Variants in SLC25A48 observed in about 807,000 individuals in gnomAD.
SLC25A48 encodes the protein CTC-321K16.1.
In SLC25A48, 29 loss-of-function variants were observed where a neutral mutation model predicts 32.2. The ratio of observed to expected loss-of-function variants is 0.90; its 90% CI spans 0.67 to 1.23. SLC25A48 has a LOEUF of 1.23. Among genes scored for constraint, SLC25A48 ranks in the 50% most tolerant of loss-of-function variants. The pLI, the probability that SLC25A48 is intolerant of heterozygous loss-of-function variation, is 0.00. For missense variants in SLC25A48, 399 were observed against 422.7 expected (o/e 0.94, Z 0.49); for synonymous variants, 164 against 172.3 (o/e 0.95, Z 0.38).
intron 3 of SLC25A48, among the ~76,000 whole-genome samples, chr5:135,688,594 A>G (rs1754072408): frequency 6.6e-6 from 1 of 152,272 alleles, no homozygotes; most frequent in Non-Finnish European, 1.5e-5. Context: ...TGATTTGAGC[A>G]TTCACATTCC....
intron 3 of SLC25A48, among the ~76,000 whole-genome samples, chr5:135,698,877 A>G (rs2126964376): frequency 6.6e-6 from 1 of 152,364 alleles, no homozygotes; most frequent in South Asian, 2.1e-4. Flanking sequence ...GTTAATTTAT[A>G]AAATGAGAAC....
At chr5:135,624,764 T>C (rs1316737528) in intron 1 of SLC25A48, among the ~76,000 whole-genome samples, 2 of 152,238 alleles carry the variant, frequency 1.3e-5, no homozygotes, top group African/African-American at 4.8e-5. Flanking sequence ...AGACAGTGAT[T>C]GTTTTTGGCT....
chr5:135,774,431 G>A (rs1004481573), intron 3 of SLC25A48, among the ~76,000 whole-genome samples: 1 of 151,760 alleles, frequency 6.6e-6, no homozygotes, highest in African/African-American at 2.4e-5. Flanking sequence ...CGCAGAGGGT[G>A]TACAACCCGC....
chr5:135,646,733 AC>A (rs1752973468), intron 3 of SLC25A48, among the ~76,000 whole-genome samples: 2 of 148,112 alleles, frequency 1.4e-5, no homozygotes, highest in Non-Finnish European at 3.0e-5. Context: ...AAAGACAAAC[AC>A]TACATCATCT....
chr5:135,854,413 T>C (rs997761111), intron 4 of SLC25A48, among the ~76,000 whole-genome samples: 1 of 152,258 alleles, frequency 6.6e-6, no homozygotes, highest in African/African-American at 2.4e-5. Flanking sequence ...GTTCATCAAT[T>C]CTCTTAGCTA....
chr5:135,871,909 G>A, intron 5 of SLC25A48, 191 bp downstream of exon 5: 1 of 1,475,436 alleles, frequency 6.8e-7, no homozygotes, highest in South Asian at 1.5e-5. Context: ...TCCCTATGCA[G>A]CTATGAGAAT....
At chr5:135,589,543 T>C (rs1482982959) in intron 1 of SLC25A48, among the ~76,000 whole-genome samples, 5 of 152,220 alleles carry the variant, frequency 3.3e-5, no homozygotes, top group African/African-American at 1.2e-4. Flanking sequence ...ATTGGTAACA[T>C]TTACGGGCCT....
chr5:135,697,176 G>A (rs1300403630), intron 3 of SLC25A48, among the ~76,000 whole-genome samples: 10 of 152,186 alleles, frequency 6.6e-5, no homozygotes. Context: ...ATGCTGGAAT[G>A]TGTCTCTTTT....
intron 3 of SLC25A48, among the ~76,000 whole-genome samples, chr5:135,662,452 C>T (rs142359645): frequency 1.9e-3 from 283 of 152,294 alleles, no homozygotes; most frequent in African/African-American, 6.6e-3. Flanking sequence ...GTTCTGGTAA[C>T]TGTTAGTCGT....
intron 3 of SLC25A48, among the ~76,000 whole-genome samples, chr5:135,790,835 G>A (rs1757007746): frequency 6.6e-6 from 1 of 151,830 alleles, no homozygotes; most frequent in Non-Finnish European, 1.5e-5. Flanking sequence ...ATGTCACAGT[G>A]GGTGTAGACT....
At chr5:135,762,161 C>T (rs62365688) in intron 3 of SLC25A48, among the ~76,000 whole-genome samples, 61,433 of 152,130 alleles carry the variant, frequency 0.4, 14,333 homozygotes, top group Non-Finnish European at 0.52. Flanking sequence ...TTAGCCAACT[C>T]TTAATTGAAA....
intron 7 of SLC25A48, among the ~76,000 whole-genome samples, chr5:135,887,308 A>G (rs543138111): frequency 2.5e-4 from 38 of 152,256 alleles, no homozygotes; most frequent in Non-Finnish European, 4.9e-4. Flanking sequence ...TATCACTTGC[A>G]TTATAGCCTT....
chr5:135,625,114 T>C (rs993833140), intron 1 of SLC25A48, among the ~76,000 whole-genome samples: 3 of 152,016 alleles, frequency 2.0e-5, no homozygotes, highest in African/African-American at 7.3e-5. Flanking sequence ...AAGGAGCGGT[T>C]TCCCTGATTT....
chr5:135,580,963 T>A (rs1192864010), intron 1 of SLC25A48, among the ~76,000 whole-genome samples: 1 of 152,208 alleles, frequency 6.6e-6, no homozygotes, highest in Non-Finnish European at 1.5e-5. Flanking sequence ...GGTAGTATAA[T>A]GGCTAAGAGG....
chr5:135,636,291 G>A (rs1368197036), intron 3 of SLC25A48, among the ~76,000 whole-genome samples: 1 of 152,138 alleles, frequency 6.6e-6, no homozygotes, highest in African/African-American at 2.4e-5. Flanking sequence ...GCTCTTGGTG[G>A]CTCACTGTTT....
chr5:135,738,069 T>G (rs1755417182), intron 3 of SLC25A48, among the ~76,000 whole-genome samples: 1 of 152,208 alleles, frequency 6.6e-6, no homozygotes, highest in African/African-American at 2.4e-5. Flanking sequence ...ATAGAGACTT[T>G]CCTCGATACT....
chr5:135,827,419 A>C (rs1462574445), intron 4 of SLC25A48: 1 of 152,214 alleles, frequency 6.6e-6, no homozygotes, highest in Non-Finnish European at 1.5e-5. Flanking sequence ...ACATCAAAGA[A>C]ATTCTTTTTA....
intron 1 of SLC25A48, among the ~76,000 whole-genome samples, chr5:135,622,527 A>G (rs1205632847): frequency 6.6e-6 from 1 of 152,230 alleles, no homozygotes; most frequent in Non-Finnish European, 1.5e-5. Flanking sequence ...TCATTAAATG[A>G]CATGAGAAAA....
chr5:135,591,370 T>C (rs1409979721), intron 1 of SLC25A48, among the ~76,000 whole-genome samples: 1 of 152,208 alleles, frequency 6.6e-6, no homozygotes, highest in East Asian at 1.9e-4. Context: ...GCCTGGTGCA[T>C]CACTTGGATG....
Sources: gnomAD v4.1 joint callset for allele counts (sites outside exome capture counted in the v4.1 genomes callset) on GRCh38, gnomAD v4.1.1 for gene constraint, MANE v1.5 for transcripts, NCBI Gene and HGNC (gene_info 2026-07-23, HGNC 2026-07-21) for gene names.